The following RGS8 variants were observed in gnomAD, a reference collection of about 807,000 sequenced individuals.
The protein encoded by RGS8 is regulator of G protein signaling 8, also known as regulator of G-protein signaling 8.
A neutral mutation model predicts 21.7 loss-of-function variants in RGS8; 8 were observed. That is an observed-to-expected ratio of 0.37 (90% confidence interval 0.22 to 0.66). The LOEUF (loss-of-function observed/expected upper bound fraction) is 0.66. Ranked by LOEUF, RGS8 falls within the 30% of genes least tolerant of loss-of-function variation. The pLI is 0.59. For missense variants in RGS8, 157 were observed against 217.9 expected (o/e 0.72, Z 1.76); for synonymous variants, 80 against 83.6 (o/e 0.96, Z 0.24).
chr1:182,737,343 A>C, the RGS8 span, among the ~76,000 whole-genome samples: 1 of 152,088 alleles, frequency 6.6e-6, no homozygotes. Flanking sequence ...TAAGGAAATA[A>C]ATTTTTTTAA....
intron 5 of RGS8, among the ~76,000 whole-genome samples, chr1:182,649,151 T>C (rs1486441984): frequency 6.6e-6 from 1 of 152,116 alleles, no homozygotes; most frequent in Non-Finnish European, 1.5e-5. Context: ...ATTTAGGAAG[T>C]TGTAGTAATA....
In RGS8 at chr1:182,646,584, C is replaced by A. The variant is rs140963987; in HGVS notation, c.*151G>T. On this transcript the variant is annotated 3_prime_UTR_variant, in exon 7 of 7. Transcript: ENST00000483095. Reference sequence around the variant, plus strand: ...TCCAAGCTCCGGCAGCTGGGTCATACTTTGGAATGGCCCTTCATTCCCTCC... The same window carrying A: ...TCCAAGCTCCGGCAGCTGGGTCATAATTTGGAATGGCCCTTCATTCCCTCC... 595 of 683,284 alleles carry A rather than the reference C, an allele frequency of 8.7e-4. 6 individuals are homozygous for A. In the African/African-American group the frequency reaches 9.4e-3, roughly 11 times the overall value. The allele number at this position is 683,284 out of a possible 1,614,324, so 42.3% of individuals were successfully genotyped here.
upstream of RGS8, chr1:182,672,710 CT>C (rs560541967): frequency 2.3e-3 from 3,104 of 1,325,172 alleles, 9 homozygotes; most frequent in Non-Finnish European, 2.6e-3. Context: ...CAACTTCCCC[CT>C]ACTTGCATTT....
chr1:182,704,910 C>T, the RGS8 span, among the ~76,000 whole-genome samples: 1 of 152,324 alleles, frequency 6.6e-6, no homozygotes, highest in South Asian at 2.1e-4. Flanking sequence ...TGTGCACAGG[C>T]AAGCCAGGTG....
At chr1:182,677,211 C>T (rs1664393568), upstream of RGS8, among the ~76,000 whole-genome samples, 1 of 152,196 alleles carries the variant, frequency 6.6e-6, no homozygotes, top group Non-Finnish European at 1.5e-5. Context: ...AAGCTACTCG[C>T]CCTGTCTGAG....
chr1:182,653,307 C>A (rs1281696448), intron 5 of RGS8, among the ~76,000 whole-genome samples: 1 of 151,512 alleles, frequency 6.6e-6, no homozygotes, highest in Non-Finnish European at 1.5e-5. Flanking sequence ...ATGATGCCTG[C>A]AACAAATTTG....
At chr1:182,722,587 G>C in the RGS8 span, among the ~76,000 whole-genome samples, 2 of 152,048 alleles carry the variant, frequency 1.3e-5, no homozygotes, top group East Asian at 3.9e-4. Flanking sequence ...AGCAGTCCTC[G>C]GGGTTACTTG....
chr1:182,733,969 G>A, the RGS8 span: 1 of 151,898 alleles, frequency 6.6e-6, no homozygotes, highest in Non-Finnish European at 1.5e-5. Context: ...TGCTCAGGCT[G>A]GGGTGCAGTG....
chr1:182,727,045 C>T, the RGS8 span, among the ~76,000 whole-genome samples: 2 of 152,300 alleles, frequency 1.3e-5, no homozygotes, highest in South Asian at 2.1e-4. Flanking sequence ...CAACATTCCC[C>T]ATCCCATTCC....
chr1:182,723,675 C>T, the RGS8 span, among the ~76,000 whole-genome samples: 1 of 136,546 alleles, frequency 7.3e-6, no homozygotes, highest in East Asian at 2.1e-4. Flanking sequence ...GGGTCTAAAA[C>T]CAGGAAGCCC....
the RGS8 span, among the ~76,000 whole-genome samples, chr1:182,691,278 T>TGG: frequency 6.6e-6 from 1 of 152,298 alleles, no homozygotes; most frequent in South Asian, 2.1e-4. Flanking sequence ...GTAGCCCAAA[T>TGG]TTTAGCTCTC....
chr1:182,672,930 C>A, upstream of RGS8: 2 of 1,342,590 alleles, frequency 1.5e-6, no homozygotes, highest in South Asian at 1.2e-5. Flanking sequence ...GTGTCAGCAT[C>A]ACCTGAGAAG....
chr1:182,654,887 A>C (rs1469535372), intron 5 of RGS8, among the ~76,000 whole-genome samples: 1 of 152,156 alleles, frequency 6.6e-6, no homozygotes, highest in Non-Finnish European at 1.5e-5. Flanking sequence ...GCAAGGATTT[A>C]GCAAGTGGCA....
the RGS8 span, among the ~76,000 whole-genome samples, chr1:182,736,742 G>A: frequency 1.3e-5 from 2 of 152,210 alleles, no homozygotes; most frequent in African/African-American, 2.4e-5. Flanking sequence ...ACAGAACACA[G>A]AAGTGATGGG....
chr1:182,738,514 T>G, the RGS8 span, among the ~76,000 whole-genome samples: 1 of 152,336 alleles, frequency 6.6e-6, no homozygotes, highest in Non-Finnish European at 1.5e-5. Flanking sequence ...AGAGTTGACC[T>G]TTGAGAGGTC....
At chr1:182,724,702 C>A in the RGS8 span, among the ~76,000 whole-genome samples, 1 of 152,012 alleles carries the variant, frequency 6.6e-6, no homozygotes, top group East Asian at 1.9e-4. Flanking sequence ...GGATTACAGG[C>A]GCCTGCCACC....
chr1:182,683,129 A>G (rs763283040), intron 1 of RGS8, among the ~76,000 whole-genome samples: 6 of 152,020 alleles, frequency 3.9e-5, no homozygotes, highest in Non-Finnish European at 7.4e-5. Flanking sequence ...CACACTACAC[A>G]CTCTACTGCC....
chr1:182,690,022 A>G, the RGS8 span, among the ~76,000 whole-genome samples: 1 of 152,256 alleles, frequency 6.6e-6, no homozygotes, highest in South Asian at 2.1e-4. Flanking sequence ...TGTGGGCTCT[A>G]GGGTCAGAGA....
intron 1 of RGS8, 78 bp from the exon 3 acceptor site, chr1:182,671,808 G>A: frequency 6.2e-7 from 1 of 1,603,496 alleles, no homozygotes; most frequent in Non-Finnish European, 8.5e-7. Context: ...ACACATAGGG[G>A]CACACACACA....
Sources: gnomAD v4.1 joint callset for allele counts (sites outside exome capture counted in the v4.1 genomes callset) on GRCh38, gnomAD v4.1.1 for gene constraint, MANE v1.5 for transcripts, NCBI Gene and HGNC (gene_info 2026-07-23, HGNC 2026-07-21) for gene names.